The following NLRC5 variants were observed in gnomAD, a reference collection of about 807,000 sequenced individuals.
The protein encoded by NLRC5 is protein NLRC5.
In NLRC5, 114 loss-of-function variants were observed where a neutral mutation model predicts 206.9. That is an observed-to-expected ratio of 0.55 (90% CI 0.47 to 0.64). NLRC5 has a LOEUF of 0.64. NLRC5 is among the 30% of genes least tolerant of loss of function. The pLI is 0.00. For missense variants in NLRC5, 2,008 were observed against 2,305.5 expected (o/e 0.87, Z 2.64); for synonymous variants, 952 against 962.8 (o/e 0.99, Z 0.21).
Position 57,076,244 on chromosome 16 carries a change from A to G in NLRC5, c.4752-575A>G, listed in dbSNP as rs868115858. Among the ~76,000 whole-genome samples, 13 of 152,382 alleles carry G rather than the reference A, an allele frequency of 8.5e-5. 2 individuals carry two copies. The Middle Eastern group carries it at 0.034, about 399-fold the overall frequency. On this transcript the variant is annotated intron_variant, in intron 39 of 48. Coordinates refer to ENST00000688547, the MANE Select transcript of NLRC5 (RefSeq NM_001384950.1). ...TAAAATTTAATTTGCAAAATAAAAG[A>G]AAGTAAAAACAACATGCAAACAAAT... is the stretch of plus-strand genomic sequence containing the variant.
In NLRC5 at chr16:57,061,623, C is replaced by T; in HGVS notation, c.4076C>T (p.Thr1359Ile). ...KSLQLTELTLTQCCLGQKQLA... is the reference protein window; with the variant it reads ...KSLQLTELTLIQCCLGQKQLA... ...TGACTGACCTCTGTCTCCAGGCTGA[C>T]CCAGTGCTGCCTGGGCCAGAAGCAG... Residue 1359 changes from threonine to isoleucine, a missense_variant, in exon 32 of 49, where the codon ACC becomes ATC. Transcript: ENST00000688547. 2 of 1,610,216 alleles carry T rather than the reference C, an allele frequency of 1.2e-6. No homozygotes were observed. Among genetic ancestry groups the T allele is most frequent in the Non-Finnish European group, 1.7e-6 (2 of 1,179,334 alleles).
intron 39 of NLRC5, among the ~76,000 whole-genome samples, chr16:57,075,092 A>ATGCACAGG (rs1384397119): frequency 7.9e-6 from 1 of 127,160 alleles, no homozygotes; most frequent in African/African-American, 3.1e-5. Context: ...TGCAGTGGCA[A>ATGCACAGG]TGCACAGGTG....
intron 30 of NLRC5, among the ~76,000 whole-genome samples, chr16:57,060,372 A>T (rs1358830624): frequency 6.6e-6 from 1 of 150,892 alleles, no homozygotes; most frequent in African/African-American, 2.4e-5. Flanking sequence ...CACCACACAC[A>T]CGCCCTACAC....
intron 19 of NLRC5, among the ~76,000 whole-genome samples, 188 bp downstream of exon 19, chr16:57,042,253 T>A (rs2063376760): frequency 6.6e-6 from 1 of 152,168 alleles, no homozygotes; most frequent in Admixed American, 6.5e-5. Context: ...AGTCTGTGAC[T>A]CAATAATCCC....
Position 57,026,815 on chromosome 16 carries a change from G to A in NLRC5, c.1872G>A (p.Glu624=). The change falls in exon 6 of 49, where the codon GAG becomes GAA. Residue 624 remains glutamate, a synonymous_variant. Coordinates refer to ENST00000688547, the MANE Select transcript of NLRC5 (RefSeq NM_001384950.1). ...ELCHCVDETQ[E]PELASLTAQS... is the part of the protein sequence containing the mutation. ...GTCACTGTGTGGATGAGACACAGGA[G>A]CCTGAGCTGGCCAGTCTCACCGCAC... The A allele has an allele frequency of 6.2e-7, 1 of 1,614,172 alleles. No homozygotes were observed. Among genetic ancestry groups the A allele is most frequent in the East Asian group, 2.2e-5 (1 of 44,876 alleles).
chr16:57,015,815 A>G (rs912372388), intron 1 of NLRC5, among the ~76,000 whole-genome samples: 2 of 149,112 alleles, frequency 1.3e-5, no homozygotes, highest in Non-Finnish European at 3.0e-5. Flanking sequence ...TAATCCCACT[A>G]CTTGGGAGGC....
intron 10 of NLRC5, among the ~76,000 whole-genome samples, 198 bp from the exon 11 acceptor site, chr16:57,031,206 C>T (rs1398160277): frequency 2.0e-5 from 3 of 152,080 alleles, no homozygotes; most frequent in African/African-American, 7.2e-5. Context: ...TTGCAGGATT[C>T]ATCAAGCAAA....
At chr16:57,019,086 G>T (rs821471) in intron 2 of NLRC5, among the ~76,000 whole-genome samples, 1 of 152,216 alleles carries the variant, frequency 6.6e-6, no homozygotes, top group Non-Finnish European at 1.5e-5. Flanking sequence ...GGTACTTCTA[G>T]AAGGAGGTGG....
rs1193484107 is a variant in NLRC5, at chr16:57,041,978, C to G, written c.3030-4C>G. 6.4e-7 allele frequency: 1 copy of G among 1,565,774 alleles called. No individual in the cohort carries two copies. The highest frequency in any genetic ancestry group is 1.2e-5 in the South Asian group (1 of 83,686). ...GTTCTCCCCTCCCTTCTCCCCACCC[C>G]CAGCTTCTCAGGCAATGCTCTGGGG... On this transcript the variant is annotated splice_polypyrimidine_tract_variant and splice_region_variant and intron_variant, in intron 18 of 48. Coordinates refer to ENST00000688547, the MANE Select transcript of NLRC5 (RefSeq NM_001384950.1).
At chr16:57,069,696 A>G in intron 36 of NLRC5, 140 bp from the exon 37 acceptor site, 1 of 687,636 alleles carries the variant, frequency 1.5e-6, no homozygotes, top group Non-Finnish European at 2.6e-6. Flanking sequence ...ATGGTGGAAG[A>G]GATTTACGAA....
chr16:57,037,147 G>A (rs749672218), intron 14 of NLRC5, 48 bp from the exon 15 acceptor site: 2 of 1,503,228 alleles, frequency 1.3e-6, no homozygotes, highest in African/African-American at 2.7e-5. Context: ...GGCTGGGGCT[G>A]GGTACCTCAG....
intron 5 of NLRC5, among the ~76,000 whole-genome samples, chr16:57,024,802 G>C (rs1252418070): frequency 6.6e-6 from 1 of 152,168 alleles, no homozygotes; most frequent in Non-Finnish European, 1.5e-5. Context: ...TTGAGCCCAG[G>C]AATTCAATAC....
chr16:57,069,861 G>C lies in NLRC5; in HGVS notation c.4525G>C (p.Glu1509Gln), dbSNP rs759776358. 6.2e-7 allele frequency: 1 copy of C among 1,603,376 alleles called. No homozygotes were observed. Among genetic ancestry groups the C allele is most frequent in the Non-Finnish European group, 8.5e-7 (1 of 1,175,810 alleles). ...FRLTSSCVST[E>Q]GLAHLASGLG... is the part of the protein sequence containing the mutation. ...GCTGACCTCCAGCTGTGTGAGCACC[G>C]AGGGCCTCGCCCACCTGGCATCTGG... The change falls in exon 37 of 49, where the codon GAG (glutamate) becomes CAG (glutamine). Residue 1509 changes from glutamate (E) to glutamine (Q), a missense_variant. Coordinates refer to ENST00000688547, the MANE Select transcript of NLRC5 (RefSeq NM_001384950.1).
chr16:57,070,018 C>A, intron 37 of NLRC5, 99 bp downstream of exon 37: 1 of 894,780 alleles, frequency 1.1e-6, no homozygotes, highest in Non-Finnish European at 1.7e-6. Flanking sequence ...AATGAGACTT[C>A]AACCAATGAC....
intron 15 of NLRC5, among the ~76,000 whole-genome samples, chr16:57,038,854 G>T (rs2062926511): frequency 6.6e-6 from 1 of 151,274 alleles, no homozygotes; most frequent in Non-Finnish European, 1.5e-5. Flanking sequence ...AGAATCGCTG[G>T]AACCTGGGAG....
chr16:57,067,912 G>A (rs533252704), intron 36 of NLRC5, 84 bp downstream of exon 36: 1 of 1,095,610 alleles, frequency 9.1e-7, no homozygotes, highest in East Asian at 2.4e-5. Flanking sequence ...CCTGGGCTCA[G>A]AGGACTCTTA....
Position 57,082,941 on chromosome 16 carries a change from C to G in NLRC5, c.*413C>G, listed in dbSNP as rs1240502625. The G allele has an allele frequency of 1.2e-5, 2 of 160,120 alleles. No homozygotes were observed. Among genetic ancestry groups the G allele is most frequent in the Non-Finnish European group, 2.7e-5 (2 of 73,506 alleles). 9.9% of individuals were successfully genotyped at this position (160,120 alleles called of 1,614,324 possible). On this transcript the variant is annotated 3_prime_UTR_variant, in exon 49 of 49. Transcript: ENST00000688547. ...CATGATTGTTGGTCTATATATGACACATGACAAATGTCCATGTCACAGGAC... is the reference window on the plus strand; with the variant it reads ...CATGATTGTTGGTCTATATATGACAGATGACAAATGTCCATGTCACAGGAC...
In NLRC5 at chr16:57,055,559, G is replaced by A. The variant is rs200380375; in HGVS notation, c.3746+40G>A. 253 of 1,535,606 alleles carry A rather than the reference G, an allele frequency of 1.6e-4. 1 individual carries two copies. In the African/African-American group the frequency reaches 2.7e-3, roughly 17 times the overall value. ...GAGGAGGAAGGAGAGGAGCATGGAC[G>A]CATGCCTGAGGGGCACTGAAGGGGG... On this transcript the variant is annotated intron_variant, in intron 27 of 48. Coordinates refer to ENST00000688547, the MANE Select transcript of NLRC5 (RefSeq NM_001384950.1).
At chr16:57,019,386 G>A (rs1428498195) in intron 2 of NLRC5, among the ~76,000 whole-genome samples, 1 of 150,754 alleles carries the variant, frequency 6.6e-6, no homozygotes, top group Non-Finnish European at 1.5e-5. Context: ...GACAGAGCGA[G>A]ACTCTGTCTC....
Sources: allele counts gnomAD v4.1 joint callset (sites outside exome capture counted in the v4.1 genomes callset), GRCh38; gene constraint gnomAD v4.1.1; transcripts MANE v1.5; gene names NCBI Gene and HGNC (gene_info 2026-07-23, HGNC 2026-07-21).